FUT8: variants seen among roughly 807,000 people sequenced by gnomAD.
The protein encoded by FUT8 is alpha-(1,6)-fucosyltransferase.
Under a neutral mutation model 71.3 loss-of-function variants are expected in FUT8, and 29 were observed. The observed-to-expected ratio is 0.41, with a 90% CI of 0.30 to 0.55. The LOEUF (loss-of-function observed/expected upper bound fraction) is 0.55. Ranked by LOEUF, FUT8 falls within the 20% of genes least tolerant of loss-of-function variation. FUT8 has a pLI of 0.34. For synonymous variants in FUT8, 254 were observed against 239.3 expected, an observed-to-expected ratio of 1.06 and a Z score of -0.57; for missense variants, 544 against 702.1, an observed-to-expected ratio of 0.77 and a Z score of 2.55.
rs1233582490 is a variant in FUT8 at position 65,467,317 on chromosome 14, A to G, written c.-228+11599A>G. Among the ~76,000 whole-genome samples, 1 of 151,644 alleles carries G rather than the reference A, an allele frequency of 6.6e-6. No individual in the cohort carries two copies. The highest frequency in any genetic ancestry group is 1.5e-5 in the Non-Finnish European group (1 of 67,948). ...GGTCTTATTTTATTTTATTTTTTTG[A>G]GATGGAGTCTCATTCTGTTACTCAG... On this transcript the variant is annotated intron_variant, in intron 2 of 10. Coordinates refer to ENST00000673929, the MANE Select transcript of FUT8 (RefSeq NM_001371533.1). The surrounding 1 kb of genome is among the most constrained non-coding windows in gnomAD (Gnocchi z 4.1).
intron 1 of FUT8, among the ~76,000 whole-genome samples, chr14:65,424,321 T>C (rs2095510): frequency 0.98 from 149,561 of 152,254 alleles, 73,527 homozygotes; most frequent in Middle Eastern, 1. Flanking sequence ...TATGTAGTTA[T>C]GATTTAATAC....
rs145599808 is a variant in FUT8 at position 65,688,213 on chromosome 14, T to A, written c.835+18733T>A. Among the ~76,000 whole-genome samples the A allele has an allele frequency of 5.1e-3, 779 of 152,298 alleles. 7 individuals carry two copies. The highest frequency in any genetic ancestry group is 0.018 in the African/African-American group (745 of 41,568). On this transcript the variant is annotated intron_variant, in intron 7 of 10. Coordinates refer to ENST00000673929, the MANE Select transcript of FUT8 (RefSeq NM_001371533.1). ...TAGCATAATCATACAGAAGTTTCAC[T>A]GTCCTAAAAATCTCATGCTCCACTT...
At chr14:65,457,182 C>T (rs77490506) in intron 2 of FUT8, among the ~76,000 whole-genome samples, 3,428 of 152,186 alleles carry the variant, frequency 0.023, 130 homozygotes, top group African/African-American at 0.078. Context: ...TCCCCTGACC[C>T]CATGTATTTT....
chr14:65,634,123 G>T (rs867158178), intron 6 of FUT8, among the ~76,000 whole-genome samples: 13 of 152,230 alleles, frequency 8.5e-5, no homozygotes, highest in African/African-American at 3.1e-4. Context: ...GAATAGAAAG[G>T]GGGGAAAGGT....
intron 2 of FUT8, among the ~76,000 whole-genome samples, chr14:65,526,374 A>C (rs1482004802): frequency 1.3e-5 from 2 of 152,256 alleles, no homozygotes; most frequent in South Asian, 4.2e-4. Context: ...ATCAGAGAGT[A>C]GGATTGCAAC....
chr14:65,449,536 C>G (rs1338455123), intron 1 of FUT8, among the ~76,000 whole-genome samples: 4 of 152,140 alleles, frequency 2.6e-5, no homozygotes, highest in Non-Finnish European at 5.9e-5. Context: ...AGCAATATAC[C>G]ATTGTCAGTG....
intron 3 of FUT8, among the ~76,000 whole-genome samples, chr14:65,566,370 T>G: frequency 6.6e-6 from 1 of 151,984 alleles, no homozygotes; most frequent in Non-Finnish European, 1.5e-5. Context: ...GCATCTTGGT[T>G]GATGGAACTA....
At chr14:65,453,811 G>A (rs1023592394) in intron 1 of FUT8, among the ~76,000 whole-genome samples, 4 of 152,140 alleles carry the variant, frequency 2.6e-5, no homozygotes, top group Admixed American at 2.0e-4. Context: ...GTACATATCT[G>A]TAGCTTTTTT....
chr14:65,557,000 A>G (rs546811867), intron 2 of FUT8, among the ~76,000 whole-genome samples: 7 of 152,160 alleles, frequency 4.6e-5, no homozygotes, highest in Admixed American at 6.5e-5. Context: ...TTTAATTTCT[A>G]TGTCTTGTCA....
chr14:65,397,301 T>C, the FUT8 span, among the ~76,000 whole-genome samples: 1 of 152,220 alleles, frequency 6.6e-6, no homozygotes, highest in Non-Finnish European at 1.5e-5. The surrounding 1 kb of genome is among the most constrained non-coding windows in gnomAD (Gnocchi z 4.2). Context: ...TAACTTGTAA[T>C]GTTCTATGGC....
At chr14:65,532,754 A>G (rs1884041545) in intron 2 of FUT8, among the ~76,000 whole-genome samples, 1 of 152,144 alleles carries the variant, frequency 6.6e-6, no homozygotes, top group South Asian at 2.1e-4. Flanking sequence ...GTTGTATTCC[A>G]GGCTTTTTCA....
intron 2 of FUT8, among the ~76,000 whole-genome samples, chr14:65,537,399 A>AT (rs370859287): frequency 4.0e-5 from 6 of 150,454 alleles, no homozygotes; most frequent in Non-Finnish European, 5.9e-5. Flanking sequence ...TTACTTACAT[A>AT]TTTTTTTTGA....
chr14:65,407,304 T>A (rs1309090566), upstream of FUT8, among the ~76,000 whole-genome samples: 2 of 152,248 alleles, frequency 1.3e-5, no homozygotes, highest in Non-Finnish European at 2.9e-5. Context: ...CAAAGCTATA[T>A]GAGCTTGATA....
intron 3 of FUT8, among the ~76,000 whole-genome samples, chr14:65,586,775 T>C (rs1887408796): frequency 1.3e-5 from 2 of 152,336 alleles, no homozygotes; most frequent in South Asian, 4.1e-4. Flanking sequence ...AAAAGTAAAA[T>C]TAAATGTACT....
At chr14:65,508,255 G>C (rs1025486776) in intron 2 of FUT8, among the ~76,000 whole-genome samples, 3 of 151,598 alleles carry the variant, frequency 2.0e-5, no homozygotes, top group Non-Finnish European at 4.4e-5. Context: ...TTGTATTTTA[G>C]TAGAGACAGG....
chr14:65,697,549 A>G (rs1204149246), intron 7 of FUT8, among the ~76,000 whole-genome samples: 5 of 152,242 alleles, frequency 3.3e-5, no homozygotes, highest in African/African-American at 7.2e-5. Flanking sequence ...TCTGTTGAGT[A>G]TGAATTGAGC....
At chr14:65,625,902 A>G (rs1376082401) in intron 5 of FUT8, among the ~76,000 whole-genome samples, 1 of 152,170 alleles carries the variant, frequency 6.6e-6, no homozygotes. Context: ...GTGGGCTGCC[A>G]TTGCATTTTT....
At chr14:65,526,909 G>C (rs966540132) in intron 2 of FUT8, among the ~76,000 whole-genome samples, 14 of 152,332 alleles carry the variant, frequency 9.2e-5, no homozygotes, top group African/African-American at 2.9e-4. Flanking sequence ...CTTCTGGCTT[G>C]TAGAGTTTCT....
intron 7 of FUT8, among the ~76,000 whole-genome samples, chr14:65,688,193 T>C (rs1893394485): frequency 6.6e-6 from 1 of 152,326 alleles, no homozygotes; most frequent in East Asian, 1.9e-4. Context: ...CACTGTAGCA[T>C]AATCATACAG....
Sources: gnomAD v4.1 joint callset for allele counts (sites outside exome capture counted in the v4.1 genomes callset) on GRCh38, gnomAD v4.1.1 for gene constraint, Gnocchi (gnomAD v3.1) non-coding constraint, MANE v1.5 for transcripts, NCBI Gene and HGNC (gene_info 2026-07-23, HGNC 2026-07-21) for gene names.